Variants in PHF20 observed in about 807,000 individuals in gnomAD.
The protein encoded by PHF20 is glioma-expressed antigen 2.
In PHF20, 23 loss-of-function variants were observed where a neutral mutation model predicts 113.5. That is an observed-to-expected ratio of 0.20 (90% CI 0.15 to 0.29). PHF20 has a LOEUF of 0.29. Among genes scored for constraint, PHF20 ranks in the 10% least tolerant of loss-of-function variants. The pLI, the probability that PHF20 is intolerant of heterozygous loss-of-function variation, is 1.00. For synonymous variants in PHF20, 434 were observed against 457.3 expected, an observed-to-expected ratio of 0.95 and a Z score of 0.65; for missense variants, 943 against 1,219.6, an observed-to-expected ratio of 0.77 and a Z score of 3.38.
intron 1 of PHF20, among the ~76,000 whole-genome samples, chr20:35,775,882 G>A (rs1192413333): frequency 1.3e-5 from 2 of 151,832 alleles, no homozygotes; most frequent in African/African-American, 4.8e-5. Context: ...GTGTGATCAC[G>A]GCTTACTGCA....
intron 1 of PHF20, among the ~76,000 whole-genome samples, chr20:35,797,989 A>G (rs553901307): frequency 9.5e-4 from 144 of 152,264 alleles, no homozygotes; most frequent in African/African-American, 3.4e-3. Flanking sequence ...TGTCCTTCAC[A>G]TGTATAATCC....
At chr20:35,876,062 C>T (rs2054515630) in intron 9 of PHF20, among the ~76,000 whole-genome samples, 2 of 152,124 alleles carry the variant, frequency 1.3e-5, no homozygotes, top group Admixed American at 1.3e-4. Context: ...TCGTCTGCAT[C>T]CTTACAAAGG....
intron 3 of PHF20, chr20:35,845,585 C>A (rs1450928798): frequency 6.3e-6 from 1 of 158,714 alleles, no homozygotes; most frequent in Non-Finnish European, 1.4e-5. Flanking sequence ...CCAGGCTGGT[C>A]TTGAACTCCT....
intron 9 of PHF20, among the ~76,000 whole-genome samples, chr20:35,880,276 G>C (rs867662419): frequency 5.3e-5 from 8 of 152,188 alleles, no homozygotes; most frequent in Admixed American, 3.9e-4. Flanking sequence ...GAAAATGGAG[G>C]CAAAGCAGCT....
At chr20:35,789,607 C>T (rs1041327062) in intron 1 of PHF20, among the ~76,000 whole-genome samples, 39 of 151,862 alleles carry the variant, frequency 2.6e-4, no homozygotes, top group African/African-American at 8.9e-4. Context: ...AGTGCAGTGG[C>T]GGGATCTCGG....
At chr20:35,784,553 C>T (rs1337619678) in intron 1 of PHF20, among the ~76,000 whole-genome samples, 1 of 150,254 alleles carries the variant, frequency 6.7e-6, no homozygotes, top group Non-Finnish European at 1.5e-5. Context: ...TCTCCTGCCT[C>T]AGCCTGCCAA....
intron 2 of PHF20, among the ~76,000 whole-genome samples, chr20:35,830,111 A>G (rs574526646): frequency 2.6e-5 from 4 of 151,576 alleles, no homozygotes; most frequent in African/African-American, 7.3e-5. Flanking sequence ...ACGGGGTTTC[A>G]CCATGTTGCC....
At chr20:35,822,285 G>A (rs977893495) in intron 2 of PHF20, among the ~76,000 whole-genome samples, 2 of 152,214 alleles carry the variant, frequency 1.3e-5, no homozygotes, top group East Asian at 3.9e-4. Context: ...GGGCATGGTG[G>A]TGTGAGCTTG....
At chr20:35,858,566 CTATT>C (rs548591380) in intron 5 of PHF20, among the ~76,000 whole-genome samples, 185 bp downstream of exon 5, 207 of 152,194 alleles carry the variant, frequency 1.4e-3, no homozygotes, top group Non-Finnish European at 2.5e-3. Context: ...TTGCTGTTTC[CTATT>C]TATTTATTTG....
At chr20:35,792,372 A>G (rs1213259011) in intron 1 of PHF20, among the ~76,000 whole-genome samples, 4 of 151,948 alleles carry the variant, frequency 2.6e-5, no homozygotes, top group Non-Finnish European at 4.4e-5. Flanking sequence ...TATTTTTAGT[A>G]GAGACGGGGT....
Position 35,900,721 on chromosome 20 carries a change from G to T in PHF20, c.1561+1073G>T, listed in dbSNP as rs532872131. Among the ~76,000 whole-genome samples, 28 of 152,008 alleles carry T rather than the reference G, an allele frequency of 1.8e-4. No individual in the cohort carries two copies. The South Asian group carries it at 5.6e-3, about 30-fold the overall frequency. ...GCTTGGTGGTGCATGCCTGTAATCC[G>T]AGCTACTCTGGAGGTTGAGGCAGGA... On this transcript the variant is annotated intron_variant, in intron 10 of 17. Transcript: ENST00000374012.
chr20:35,875,013 T>A (rs1176725722), intron 9 of PHF20, among the ~76,000 whole-genome samples: 1 of 152,038 alleles, frequency 6.6e-6, no homozygotes, highest in Non-Finnish European at 1.5e-5. Context: ...GGTGGGAGGA[T>A]CACTTGAACC....
At position 35,788,254 on chromosome 20, in the gene PHF20, G is replaced by A. The variant is rs1237255190; in HGVS notation, c.-32-13237G>A. Among the ~76,000 whole-genome samples the A allele has an allele frequency of 2.0e-5, 3 of 151,236 alleles. No individual in the cohort carries two copies. In the East Asian group the frequency reaches 5.9e-4, roughly 30 times the overall value. Reference sequence around the variant, plus strand: ...TGGGACTACAGGCGCCCGCCACCACGCCCGGCTAATTTTTTGTGTTTTTAG... The same window carrying A: ...TGGGACTACAGGCGCCCGCCACCACACCCGGCTAATTTTTTGTGTTTTTAG... On this transcript the variant is annotated intron_variant, in intron 1 of 17. Transcript: ENST00000374012.
chr20:35,796,834 C>T (rs2041675952), intron 1 of PHF20, among the ~76,000 whole-genome samples: 1 of 152,194 alleles, frequency 6.6e-6, no homozygotes, highest in South Asian at 2.1e-4. Flanking sequence ...TCTCCTGCCT[C>T]AGAGGACCTT....
intron 2 of PHF20, among the ~76,000 whole-genome samples, chr20:35,826,021 C>A (rs1446491292): frequency 1.3e-5 from 2 of 152,024 alleles, no homozygotes; most frequent in African/African-American, 4.8e-5. Flanking sequence ...TGTTTAATAC[C>A]TGTTTGCAGA....
chr20:35,933,231 ATTCT>A (rs1217256051), intron 15 of PHF20, among the ~76,000 whole-genome samples: 37 of 147,126 alleles, frequency 2.5e-4, no homozygotes, highest in African/African-American at 9.2e-4. Context: ...AACTCAGCTC[ATTCT>A]TTTTTTTTTT....
At chr20:35,799,151 G>C (rs1036820507) in intron 1 of PHF20, among the ~76,000 whole-genome samples, 10 of 152,058 alleles carry the variant, frequency 6.6e-5, no homozygotes, top group Admixed American at 5.3e-4. Flanking sequence ...AGTGTAGGCT[G>C]TCAAGAGCCA....
intron 13 of PHF20, among the ~76,000 whole-genome samples, chr20:35,918,498 T>A (rs1018883428): frequency 2.0e-5 from 3 of 152,194 alleles, no homozygotes; most frequent in African/African-American, 4.8e-5. Context: ...TCTGGAGTCC[T>A]TTTGGTTCTT....
At chr20:35,855,365 T>C (rs373101532) in intron 4 of PHF20, 3 of 642,768 alleles carry the variant, frequency 4.7e-6, no homozygotes, top group African/African-American at 3.9e-5. Context: ...TATGTTCTTA[T>C]CCTTTTATCA....
Sources: gnomAD v4.1 joint callset for allele counts (sites outside exome capture counted in the v4.1 genomes callset) on GRCh38, gnomAD v4.1.1 for gene constraint, MANE v1.5 for transcripts, NCBI Gene and HGNC (gene_info 2026-07-23, HGNC 2026-07-21) for gene names.